The following ZFAT variants were observed in gnomAD, a reference collection of about 807,000 sequenced individuals.
ZFAT encodes the protein zinc finger protein ZFAT.
In ZFAT, 64 loss-of-function variants were observed where a neutral mutation model predicts 117.7. The ratio of observed to expected loss-of-function variants is 0.54; its 90% CI spans 0.44 to 0.67. The LOEUF is 0.67. ZFAT is among the 30% of genes least tolerant of loss of function. The pLI, the probability that ZFAT is intolerant of heterozygous loss-of-function variation, is 0.00. For missense variants in ZFAT, 1,433 were observed against 1,584.5 expected (o/e 0.90, Z 1.62); for synonymous variants, 679 against 615.0 (o/e 1.10, Z -1.54).
At chr8:134,829,472 A>AGTT in the ZFAT span, among the ~76,000 whole-genome samples, 2 of 152,258 alleles carry the variant, frequency 1.3e-5, no homozygotes, top group Non-Finnish European at 2.9e-5. Context: ...TTGTCCCCAA[A>AGTT]TACTTTTGGT....
chr8:134,616,489 C>A (rs1484377194), intron 3 of ZFAT, among the ~76,000 whole-genome samples: 1 of 152,204 alleles, frequency 6.6e-6, no homozygotes, highest in Non-Finnish European at 1.5e-5. Context: ...GCTGATGATG[C>A]TTTTCTGAGG....
chr8:134,599,740 A>T (rs531828624), intron 7 of ZFAT: 1 of 455,886 alleles, frequency 2.2e-6, no homozygotes, highest in Non-Finnish European at 4.4e-6. Flanking sequence ...CTGGGGCCAG[A>T]TGTGCTTCCT....
intron 3 of ZFAT, among the ~76,000 whole-genome samples, chr8:134,627,930 C>A (rs1475016781): frequency 6.6e-6 from 1 of 152,192 alleles, no homozygotes; most frequent in Non-Finnish European, 1.5e-5. Flanking sequence ...GGCCGTGGTG[C>A]AAGTGTGGAT....
At chr8:134,506,053 T>C (rs1041924379) in intron 15 of ZFAT, among the ~76,000 whole-genome samples, 3 of 152,236 alleles carry the variant, frequency 2.0e-5, no homozygotes, top group African/African-American at 7.2e-5. Context: ...TGATGACTAT[T>C]GCTGTTATTT....
At chr8:134,536,016 G>A (rs1279471842) in intron 11 of ZFAT, among the ~76,000 whole-genome samples, 2 of 152,180 alleles carry the variant, frequency 1.3e-5, no homozygotes, top group Non-Finnish European at 2.9e-5. Context: ...AGACTTGAGA[G>A]CCAATTTCAC....
chr8:134,807,813 TTAAA>T, the ZFAT span, among the ~76,000 whole-genome samples: 1 of 151,840 alleles, frequency 6.6e-6, no homozygotes, highest in African/African-American at 2.4e-5. Context: ...ATATCCAATG[TTAAA>T]TAAATAGAGC....
chr8:134,679,572 C>G (rs1449454620), intron 1 of ZFAT, among the ~76,000 whole-genome samples: 1 of 152,202 alleles, frequency 6.6e-6, no homozygotes, highest in Non-Finnish European at 1.5e-5. Context: ...TTTGACCCAG[C>G]AATCCCATTA....
At chr8:134,694,926 A>AT (rs1386354252) in intron 1 of ZFAT, among the ~76,000 whole-genome samples, 1 of 152,226 alleles carries the variant, frequency 6.6e-6, no homozygotes, top group Non-Finnish European at 1.5e-5. Context: ...TAAGGTCTTC[A>AT]TTTTTTAAAG....
chr8:134,772,538 G>C, the ZFAT span, among the ~76,000 whole-genome samples: 3 of 152,188 alleles, frequency 2.0e-5, no homozygotes, highest in Admixed American at 6.5e-5. Flanking sequence ...AAAGTTGGAA[G>C]CTAGCAGAGG....
chr8:134,506,598 A>G (rs1819427690), intron 15 of ZFAT, among the ~76,000 whole-genome samples: 1 of 152,210 alleles, frequency 6.6e-6, no homozygotes, highest in Admixed American at 6.5e-5. Context: ...CTTTCATCCC[A>G]GAAGCTGAAA....
chr8:134,481,913 G>A (rs1296286753), intron 15 of ZFAT, among the ~76,000 whole-genome samples: 5 of 152,196 alleles, frequency 3.3e-5, no homozygotes, highest in Non-Finnish European at 7.3e-5. Context: ...AAGAACAGGC[G>A]TGTGCCCTAC....
Position 134,625,810 on chromosome 8 carries a change from C to T in ZFAT, c.448+11651G>A, listed in dbSNP as rs543348630. On this transcript the variant is annotated intron_variant, in intron 3 of 15. Transcript: ENST00000377838. ...GCTGCTGGGCACGAGCCGTGAGCCA[C>T]GTGTTCAGTACTTCTCCGGTCTCAG... is the stretch of plus-strand genomic sequence containing the variant. 7.1e-5 allele frequency among the ~76,000 whole-genome samples: 10 copies of T among 141,818 alleles called. No individual in the cohort carries two copies. In the East Asian group the frequency reaches 1.5e-3, roughly 22 times the overall value. The allele number at this position is 141,818 out of a possible 152,430, so 93.0% of individuals were successfully genotyped here.
At chr8:134,576,779 A>G (rs902694588) in intron 10 of ZFAT, among the ~76,000 whole-genome samples, 11 of 152,098 alleles carry the variant, frequency 7.2e-5, no homozygotes, top group African/African-American at 2.4e-4. Flanking sequence ...AAGGGTACTT[A>G]CTCCACTCAA....
the ZFAT span, among the ~76,000 whole-genome samples, chr8:134,754,460 A>G: frequency 8.5e-4 from 130 of 152,350 alleles, 2 homozygotes; most frequent in South Asian, 0.024. Flanking sequence ...AGTATACAGC[A>G]TGGGAATATA....
At chr8:134,813,567 C>T in the ZFAT span, among the ~76,000 whole-genome samples, 3 of 152,150 alleles carry the variant, frequency 2.0e-5, no homozygotes, top group African/African-American at 7.2e-5. Flanking sequence ...TGTGGGCCAC[C>T]ACGCCCAGCT....
the ZFAT span, among the ~76,000 whole-genome samples, chr8:134,826,568 C>T: frequency 6.6e-6 from 1 of 152,044 alleles, no homozygotes; most frequent in Non-Finnish European, 1.5e-5. Context: ...GAAAAATATT[C>T]CACAGAGAAA....
intron 11 of ZFAT, among the ~76,000 whole-genome samples, chr8:134,555,811 C>A (rs529141690): frequency 1.5e-4 from 22 of 142,136 alleles, no homozygotes; most frequent in Non-Finnish European, 2.9e-4. Context: ...GTTAAAAGCT[C>A]TAGGAAAAAA....
intron 11 of ZFAT, among the ~76,000 whole-genome samples, chr8:134,547,344 T>C (rs1451789611): frequency 3.3e-5 from 5 of 152,228 alleles, no homozygotes; most frequent in Non-Finnish European, 7.3e-5. Context: ...ATTTTCAGTT[T>C]TGCAGATGAC....
intron 1 of ZFAT, among the ~76,000 whole-genome samples, chr8:134,706,528 C>A (rs1834156132): frequency 6.6e-6 from 1 of 152,104 alleles, no homozygotes; most frequent in East Asian, 1.9e-4. Flanking sequence ...CCCGTCTCCA[C>A]TAAAAATACA....
Sources: gnomAD v4.1 joint callset for allele counts (sites outside exome capture counted in the v4.1 genomes callset) on GRCh38, gnomAD v4.1.1 for gene constraint, MANE v1.5 for transcripts, NCBI Gene and HGNC (gene_info 2026-07-23, HGNC 2026-07-21) for gene names.